Variants in SCN10A observed in about 807,000 individuals in gnomAD.
SCN10A encodes the protein sodium voltage-gated channel alpha subunit 10.
Under a neutral mutation model 170.7 loss-of-function variants are expected in SCN10A, and 162 were observed. The observed-to-expected ratio is 0.95, with a 90% CI of 0.84 to 1.08. The LOEUF is 1.08. Ranked by LOEUF, SCN10A falls within the 50% of genes least tolerant of loss-of-function variation. The pLI is 0.00. For synonymous variants in SCN10A, 985 were observed against 904.6 expected (o/e 1.09, Z -1.59); for missense variants, 2,527 against 2,436.9 (o/e 1.04, Z -0.78).
At chr3:38,725,922 C>G (rs2063449299) in intron 17 of SCN10A, among the ~76,000 whole-genome samples, 1 of 152,198 alleles carries the variant, frequency 6.6e-6, no homozygotes, top group African/African-American at 2.4e-5. Flanking sequence ...GAGCTACAGA[C>G]TCAAAGCACA....
At chr3:38,742,595 C>T (rs1210929312) in intron 13 of SCN10A, 66 bp from the exon 14 acceptor site, 3 of 1,207,234 alleles carry the variant, frequency 2.5e-6, no homozygotes, top group Non-Finnish European at 3.7e-6. Context: ...ATTCTGCGGT[C>T]ATCCTCTAGA....
At chr3:38,744,189 G>T (rs1289933197) in intron 13 of SCN10A, among the ~76,000 whole-genome samples, 2 of 152,210 alleles carry the variant, frequency 1.3e-5, no homozygotes, top group Non-Finnish European at 2.9e-5. Flanking sequence ...TATATGCATA[G>T]AACATTGCTT....
rs145694222 is a variant in SCN10A, at chr3:38,726,851, C to T, written c.2842G>A (p.Val948Met). 14 of 1,614,072 alleles carry T rather than the reference C, an allele frequency of 8.7e-6. No individual in the cohort carries two copies. Among genetic ancestry groups the T allele is most frequent in the Middle Eastern group, 1.7e-4 (1 of 6,060 alleles). ...GAGCTGGAGAGTGGGAGTTTCACCA[C>T]CAGCTCAGGCTCTGCCTTGGGCTGG... ...FPQPKAEPEL[V>M]VKLPLSSSKA... Residue 948 changes from valine to methionine, a missense_variant, in exon 17 of 28, where the codon GTG becomes ATG. Physicochemically the swap from Val to Met is conservative, Grantham distance 21. Coordinates refer to ENST00000449082, the MANE Select transcript of SCN10A (RefSeq NM_006514.4).
chr3:38,740,677 T>G (rs75508287), intron 14 of SCN10A, among the ~76,000 whole-genome samples: 4,137 of 152,252 alleles, frequency 0.027, 182 homozygotes, highest in African/African-American at 0.094. Flanking sequence ...GTCTTAGTGC[T>G]CTCTTTTGTC....
chr3:38,779,119 T>A (rs1333526983), intron 4 of SCN10A, among the ~76,000 whole-genome samples: 2 of 152,068 alleles, frequency 1.3e-5, no homozygotes, highest in East Asian at 3.9e-4. Context: ...TCATATTATG[T>A]GTACAAAGAT....
chr3:38,715,616 G>A (rs1400254160), intron 21 of SCN10A, among the ~76,000 whole-genome samples: 1 of 152,046 alleles, frequency 6.6e-6, no homozygotes, highest in Non-Finnish European at 1.5e-5. Flanking sequence ...CAGTCCTCTC[G>A]CAGCTCCTTG....
At chr3:38,806,185 C>G (rs1424737686) in intron 1 of SCN10A, among the ~76,000 whole-genome samples, 1 of 152,044 alleles carries the variant, frequency 6.6e-6, no homozygotes, top group African/African-American at 2.4e-5. Context: ...AGAAAGAAAG[C>G]TGGAGTTTGG....
intron 5 of SCN10A, among the ~76,000 whole-genome samples, chr3:38,765,623 C>T (rs1267684445): frequency 1.3e-5 from 2 of 151,972 alleles, no homozygotes; most frequent in African/African-American, 4.8e-5. Context: ...ATACTATAGC[C>T]TTGTAGTATA....
intron 26 of SCN10A, among the ~76,000 whole-genome samples, chr3:38,706,586 C>T (rs2063213513): frequency 6.6e-6 from 1 of 152,188 alleles, no homozygotes. Flanking sequence ...CTTAGGGCCT[C>T]TCAGAGGCTT....
chr3:38,770,694 C>T (rs554372535), intron 5 of SCN10A, among the ~76,000 whole-genome samples: 2 of 152,158 alleles, frequency 1.3e-5, no homozygotes, highest in African/African-American at 2.4e-5. Flanking sequence ...GCTTGCAGTT[C>T]CCATTTGCCC....
At chr3:38,768,119 T>G (rs2063953762) in intron 5 of SCN10A, among the ~76,000 whole-genome samples, 1 of 152,100 alleles carries the variant, frequency 6.6e-6, no homozygotes, top group Non-Finnish European at 1.5e-5. Context: ...TACCTTAAGT[T>G]TATGTGGCTC....
At chr3:38,751,945 C>T (rs999467320) in intron 12 of SCN10A, among the ~76,000 whole-genome samples, 1 of 152,192 alleles carries the variant, frequency 6.6e-6, no homozygotes, top group South Asian at 2.1e-4. Flanking sequence ...TGAGTGGGGA[C>T]AGAGAAGCAC....
chr3:38,746,100 T>TATACATATAG (rs71085336), intron 13 of SCN10A, among the ~76,000 whole-genome samples: 1 of 99,820 alleles, frequency 1.0e-5, no homozygotes, highest in African/African-American at 3.6e-5. Flanking sequence ...TATATATATA[T>TATACATATAG]GCCATCTTTG....
intron 2 of SCN10A, among the ~76,000 whole-genome samples, chr3:38,793,067 A>G (rs1298924084): frequency 6.6e-6 from 1 of 152,054 alleles, no homozygotes; most frequent in Admixed American, 6.6e-5. Flanking sequence ...GTATACACAC[A>G]TATATACATC....
At chr3:38,807,404 C>A (rs1236731136) in intron 1 of SCN10A, among the ~76,000 whole-genome samples, 10 of 152,176 alleles carry the variant, frequency 6.6e-5, no homozygotes, top group Non-Finnish European at 1.2e-4. Flanking sequence ...ATGTCTCTCC[C>A]AGTTTTCTTT....
intron 6 of SCN10A, among the ~76,000 whole-genome samples, chr3:38,762,863 AG>A (rs2063891057): frequency 6.6e-6 from 1 of 152,170 alleles, no homozygotes; most frequent in African/African-American, 2.4e-5. Flanking sequence ...CAGGCCACAG[AG>A]GGGAAGCATC....
intron 11 of SCN10A, among the ~76,000 whole-genome samples, chr3:38,755,344 C>G (rs2063791980): frequency 6.6e-6 from 1 of 152,056 alleles, no homozygotes; most frequent in African/African-American, 2.4e-5. Flanking sequence ...ACCTTGCACT[C>G]TAGAACTGCA....
rs563356861 is a variant in SCN10A at position 38,720,386 on chromosome 3, C to A, written c.3508-1560G>T. Among the ~76,000 whole-genome samples, 3 of 152,254 alleles carry A rather than the reference C, an allele frequency of 2.0e-5. No homozygotes were observed. In the South Asian group the frequency reaches 6.2e-4, roughly 32 times the overall value. On this transcript the variant is annotated intron_variant, in intron 20 of 27. Coordinates refer to ENST00000449082, the MANE Select transcript of SCN10A (RefSeq NM_006514.4). ...TTTTGTAATATGTGTATATTTTATG[C>A]ATAAGCAAGATGAGAAAGAGGTATA...
At position 38,739,451 on chromosome 3, in the gene SCN10A, G is replaced by A. The variant is rs192166263; in HGVS notation, c.2280+64C>T. 4.9e-4 allele frequency: 735 copies of A among 1,490,132 alleles called. 2 individuals carry two copies. In the African/African-American group the frequency reaches 8.7e-3, roughly 18 times the overall value. The allele number at this position is 1,490,132 out of a possible 1,614,324, so 92.3% of individuals were successfully genotyped here. A position where few individuals can be genotyped will look rare whatever the true frequency, so the allele number is the denominator to read the frequency against. Reference sequence around the variant, plus strand: ...GGGGAGCTGGCTGGTGCAGTCCCCAGAGCACAGTGTCTTCCCTGAATCTGG... The same window carrying A: ...GGGGAGCTGGCTGGTGCAGTCCCCAAAGCACAGTGTCTTCCCTGAATCTGG... On this transcript the variant is annotated intron_variant, in intron 15 of 27. Transcript: ENST00000449082.
Sources: gnomAD v4.1 joint callset for allele counts (sites outside exome capture counted in the v4.1 genomes callset) on GRCh38, gnomAD v4.1.1 for gene constraint, MANE v1.5 for transcripts, NCBI Gene and HGNC (gene_info 2026-07-23, HGNC 2026-07-21) for gene names.